The following RANBP9 variants were observed in gnomAD, a reference collection of about 807,000 sequenced individuals.
The protein encoded by RANBP9 is RAN binding protein 9, also known as ran-binding protein 9.
RANBP9 carries 15 observed loss-of-function variants against 84.3 expected under a neutral mutation model. That is an observed-to-expected ratio of 0.18 (90% CI 0.12 to 0.27). The LOEUF (loss-of-function observed/expected upper bound fraction) is 0.27, where lower values mean the gene tolerates loss of function less well. RANBP9 is among the 10% of genes least tolerant of loss of function. The pLI, the probability that RANBP9 is intolerant of heterozygous loss-of-function variation, is 1.00. For synonymous variants in RANBP9, 392 were observed against 349.6 expected (o/e 1.12, Z -1.35); for missense variants, 809 against 912.8 (o/e 0.89, Z 1.46).
At chr6:13,639,473 C>T (rs1765012945) in intron 9 of RANBP9, 90 bp downstream of exon 9, 2 of 1,382,784 alleles carry the variant, frequency 1.4e-6, no homozygotes, top group Non-Finnish European at 2.0e-6. Flanking sequence ...CCACCGTGCC[C>T]AGCTGGAAAT....
intron 3 of RANBP9, 69 bp from the exon 4 acceptor site, chr6:13,657,345 G>T: frequency 7.5e-7 from 1 of 1,330,206 alleles, no homozygotes; most frequent in Non-Finnish European, 1.0e-6. Flanking sequence ...TATTCACTAA[G>T]ATTATGATAA....
chr6:13,625,649 T>C lies in RANBP9; in HGVS notation c.2059+4A>G, dbSNP rs1451024290. On this transcript the variant is annotated splice_donor_region_variant and intron_variant, in intron 13 of 13. Coordinates refer to ENST00000011619, the MANE Select transcript of RANBP9 (RefSeq NM_005493.3). ...GAAATTGTGCCTTATTTGGCTTTAC[T>C]TACCTAATATTGCACTGTTAAGAGC... 1.3e-6 allele frequency: 2 copies of C among 1,586,380 alleles called. No homozygotes were observed. Among genetic ancestry groups the C allele is most frequent in the East Asian group, 4.5e-5 (2 of 44,714 alleles).
chr6:13,682,445 C>T (rs1481895358), intron 2 of RANBP9, among the ~76,000 whole-genome samples: 3 of 146,926 alleles, frequency 2.0e-5, no homozygotes, highest in Non-Finnish European at 3.0e-5. Flanking sequence ...ATTCAATGTT[C>T]TTAATACATA....
At chr6:13,700,469 C>G (rs924286526) in intron 1 of RANBP9, among the ~76,000 whole-genome samples, 2 of 139,310 alleles carry the variant, frequency 1.4e-5, no homozygotes, top group Non-Finnish European at 3.1e-5. Context: ...ATTCCCTCCA[C>G]CTTTCCTTCT....
At chr6:13,622,870 A>G (rs1764493406) in intron 13 of RANBP9, among the ~76,000 whole-genome samples, 1 of 152,188 alleles carries the variant, frequency 6.6e-6, no homozygotes. Flanking sequence ...AAAACTAAAA[A>G]AGGCACCAGG....
chr6:13,696,931 T>A (rs755656470), intron 1 of RANBP9, 35 bp from the exon 2 acceptor site: 1 of 1,512,626 alleles, frequency 6.6e-7, no homozygotes, highest in Non-Finnish European at 9.1e-7. Flanking sequence ...AGAAGTCACA[T>A]GAGATATTCA....
At chr6:13,648,006 A>C (rs943366632) in intron 5 of RANBP9, among the ~76,000 whole-genome samples, 21 of 152,106 alleles carry the variant, frequency 1.4e-4, no homozygotes, top group African/African-American at 4.8e-4. Context: ...AGAGAAACTC[A>C]GTACCCATCA....
chr6:13,689,248 T>C (rs1405800018), intron 2 of RANBP9, among the ~76,000 whole-genome samples: 1 of 151,340 alleles, frequency 6.6e-6, no homozygotes. Context: ...CTCTATAACA[T>C]CTGATTCCAT....
chr6:13,668,848 C>A (rs971171844), intron 2 of RANBP9, among the ~76,000 whole-genome samples: 1 of 152,076 alleles, frequency 6.6e-6, no homozygotes, highest in African/African-American at 2.4e-5. Context: ...TCTTCTCTCA[C>A]CACTTCTATT....
At chr6:13,670,827 C>CA (rs1765763791) in intron 2 of RANBP9, among the ~76,000 whole-genome samples, 1 of 141,656 alleles carries the variant, frequency 7.1e-6, no homozygotes, top group Non-Finnish European at 1.5e-5. Context: ...AAAAAGTAGA[C>CA]AAACTAGACT....
chr6:13,630,776 C>G (rs1338145678), intron 12 of RANBP9, among the ~76,000 whole-genome samples: 3 of 152,084 alleles, frequency 2.0e-5, no homozygotes, highest in African/African-American at 4.8e-5. Flanking sequence ...TACAGCTCAC[C>G]TATTAAACCA....
intron 2 of RANBP9, among the ~76,000 whole-genome samples, chr6:13,691,140 C>T (rs1200599454): frequency 6.7e-6 from 1 of 149,198 alleles, no homozygotes; most frequent in Non-Finnish European, 1.5e-5. Flanking sequence ...TGAACTCCAA[C>T]CTGGGTGACA....
intron 8 of RANBP9, among the ~76,000 whole-genome samples, chr6:13,640,397 T>C (rs1205810012): frequency 1.3e-5 from 2 of 152,052 alleles, no homozygotes; most frequent in Admixed American, 6.6e-5. Flanking sequence ...ATCCAGAAAG[T>C]TCACTTCTGG....
intron 2 of RANBP9, among the ~76,000 whole-genome samples, chr6:13,680,149 A>G (rs540128681): frequency 6.6e-6 from 1 of 152,292 alleles, no homozygotes; most frequent in East Asian, 1.9e-4. Context: ...CTTCAAAAAA[A>G]CAAAATAATA....
chr6:13,660,418 A>G (rs748688859), intron 2 of RANBP9, among the ~76,000 whole-genome samples: 1 of 152,116 alleles, frequency 6.6e-6, no homozygotes, highest in Non-Finnish European at 1.5e-5. Context: ...CTGAGGTGGG[A>G]GGACTGCTTG....
At chr6:13,709,569 C>A (rs1015761807) in intron 1 of RANBP9, among the ~76,000 whole-genome samples, 1 of 152,110 alleles carries the variant, frequency 6.6e-6, no homozygotes, top group African/African-American at 2.4e-5. Context: ...AACAAAAGGT[C>A]CTAACTTGAG....
intron 2 of RANBP9, among the ~76,000 whole-genome samples, chr6:13,675,986 T>C (rs1305344303): frequency 6.6e-6 from 1 of 151,812 alleles, no homozygotes; most frequent in Non-Finnish European, 1.5e-5. Context: ...AAAAATTAAA[T>C]CAATAATTAA....
chr6:13,648,296 T>A (rs1002644845), intron 5 of RANBP9, among the ~76,000 whole-genome samples: 1 of 151,862 alleles, frequency 6.6e-6, no homozygotes, highest in African/African-American at 2.4e-5. Flanking sequence ...TACAGCCACA[T>A]GCCACCACTC....
chr6:13,652,133 G>GT (rs1036984487), intron 5 of RANBP9, among the ~76,000 whole-genome samples: 1 of 152,100 alleles, frequency 6.6e-6, no homozygotes, highest in African/African-American at 2.4e-5. Context: ...CCCATTCTCT[G>GT]TTTTTTCCCT....
Sources: allele counts gnomAD v4.1 joint callset (sites outside exome capture counted in the v4.1 genomes callset), GRCh38; gene constraint gnomAD v4.1.1; transcripts MANE v1.5; gene names NCBI Gene and HGNC (gene_info 2026-07-23, HGNC 2026-07-21).